TGFBR1: variants seen among roughly 807,000 people sequenced by gnomAD.
The protein encoded by TGFBR1 is TGF-beta receptor type-1.
Under a neutral mutation model 55.1 loss-of-function variants are expected in TGFBR1, and 20 were observed. The ratio of observed to expected loss-of-function variants is 0.36; its 90% CI spans 0.26 to 0.53. The LOEUF (loss-of-function observed/expected upper bound fraction) is 0.53, where lower values mean the gene tolerates loss of function less well. Among genes scored for constraint, TGFBR1 ranks in the 20% least tolerant of loss-of-function variants. TGFBR1 has a pLI of 0.91. For synonymous variants in TGFBR1, 220 were observed against 214.8 expected (o/e 1.02, Z -0.21); for missense variants, 385 against 617.6 (o/e 0.62, Z 3.99).
intron 4 of TGFBR1, 59 bp downstream of exon 4, chr9:99,138,148 A>G: frequency 2.7e-6 from 4 of 1,458,778 alleles, no homozygotes; most frequent in Non-Finnish European, 3.8e-6. Flanking sequence ...AAGTCTTTAC[A>G]GATATGGTGA....
At chr9:99,133,267 T>C (rs1012783463) in intron 3 of TGFBR1, among the ~76,000 whole-genome samples, 1 of 152,236 alleles carries the variant, frequency 6.6e-6, no homozygotes, top group African/African-American at 2.4e-5. Context: ...AATGAACTCT[T>C]ATGTCATTTT....
intron 1 of TGFBR1, among the ~76,000 whole-genome samples, chr9:99,117,250 G>C (rs1012198510): frequency 9.0e-6 from 1 of 111,090 alleles, no homozygotes; most frequent in African/African-American, 3.5e-5. Flanking sequence ...ACCACGCCTG[G>C]CTATTTTTTT....
rs768418563 is a variant in TGFBR1 at position 99,147,776 on chromosome 9, A to G, written c.1378A>G (p.Ser460Gly). ...GCCAAATATCCCAAACAGATGGCAG[A>G]GCTGTGAAGTGAGTATTTCTTTTTG... is the stretch of plus-strand genomic sequence containing the variant. ...LRPNIPNRWQSCEALRVMAKI... is the reference protein window; with the variant it reads ...LRPNIPNRWQGCEALRVMAKI... The change falls in exon 8 of 9, where the codon AGC (serine) becomes GGC (glycine). Residue 460 changes from serine (S) to glycine (G), a missense_variant. Around this residue, in one of 5 missense-constraint regions of TGFBR1, gnomAD observed 110 missense variants for 154.6 expected, o/e 0.71. Coordinates refer to ENST00000374994, the MANE Select transcript of TGFBR1 (RefSeq NM_004612.4). 1 of 1,613,834 alleles carries G rather than the reference A, an allele frequency of 6.2e-7. No homozygotes were observed. The highest frequency in any genetic ancestry group is 8.5e-7 in the Non-Finnish European group (1 of 1,179,804).
rs928205968 is a variant in TGFBR1, at chr9:99,153,785, A to G, written c.*4480A>G. The G allele has an allele frequency of 3.4e-5, 7 of 207,246 alleles. No individual in the cohort carries two copies. The highest frequency in any genetic ancestry group is 1.6e-4 in the African/African-American group (7 of 43,908). 12.8% of individuals were successfully genotyped at this position (207,246 alleles called of 1,614,324 possible). On this transcript the variant is annotated 3_prime_UTR_variant, in exon 9 of 9. Coordinates refer to ENST00000374994, the MANE Select transcript of TGFBR1 (RefSeq NM_004612.4). Reference sequence around the variant, plus strand: ...TTTCTAACCCTGCCTAGTGCAAGTTACAATATTATAGCGTGTTCGGGGAGT... The same window carrying G: ...TTTCTAACCCTGCCTAGTGCAAGTTGCAATATTATAGCGTGTTCGGGGAGT...
intron 1 of TGFBR1, among the ~76,000 whole-genome samples, chr9:99,117,613 T>C (rs1826785551): frequency 6.6e-6 from 1 of 152,214 alleles, no homozygotes; most frequent in African/African-American, 2.4e-5. Context: ...AAAACCTTTT[T>C]TCCCCCAGTG....
At chr9:99,124,528 G>A (rs1429810855) in intron 1 of TGFBR1, among the ~76,000 whole-genome samples, 3 of 151,990 alleles carry the variant, frequency 2.0e-5, no homozygotes, top group South Asian at 4.1e-4. Flanking sequence ...AAAGGTTGGG[G>A]GGGGCAGTAT....
intron 8 of TGFBR1, 26 bp from the exon 9 acceptor site, chr9:99,149,154 A>ATT (rs752215820): frequency 2.4e-6 from 3 of 1,252,304 alleles, no homozygotes; most frequent in Non-Finnish European, 3.3e-6. Flanking sequence ...GCATGCATTA[A>ATT]TTTTTTTTTT....
At position 99,129,212 on chromosome 9, in the gene TGFBR1, A is replaced by G. The variant is rs1248980597; in HGVS notation, c.343+112A>G. ...TTGTCTAATCCAGCTCATTCCGTTT[A>G]GAGGCAAGAAGTGACTTGTCCATTG... On this transcript the variant is annotated intron_variant, in intron 2 of 8. Coordinates refer to ENST00000374994, the MANE Select transcript of TGFBR1 (RefSeq NM_004612.4). The G allele has an allele frequency of 5.0e-6, 6 of 1,198,186 alleles. No homozygotes were observed. The Admixed American group carries it at 1.2e-4, about 24-fold the overall frequency. 74.2% of individuals were successfully genotyped at this position (1,198,186 alleles called of 1,614,324 possible).
At chr9:99,114,714 T>C (rs2118341489) in intron 1 of TGFBR1, among the ~76,000 whole-genome samples, 1 of 152,332 alleles carries the variant, frequency 6.6e-6, no homozygotes, top group South Asian at 2.1e-4. Context: ...GAGAGCAACA[T>C]GAAACTATTT....
intron 6 of TGFBR1, among the ~76,000 whole-genome samples, chr9:99,145,446 CTTATGCGTTATGTT>C (rs1361616543): frequency 6.6e-6 from 1 of 152,178 alleles, no homozygotes; most frequent in Non-Finnish European, 1.5e-5. Context: ...CGTTGAGGCA[CTTATGCGTTATGTT>C]GTAACTGTTT....
In TGFBR1 at chr9:99,129,035, G is replaced by A. The variant is rs1827129046; in HGVS notation, c.278G>A (p.Gly93Glu). The A allele has an allele frequency of 6.2e-7, 1 of 1,613,674 alleles. No homozygotes were observed. The highest frequency in any genetic ancestry group is 8.5e-7 in the Non-Finnish European group (1 of 1,179,906). Residue 93 changes from glycine (G) to glutamate (E), a missense_variant, in exon 2 of 9, where the codon GGG (glycine) becomes GAG (glutamate). This residue lies in a region of TGFBR1 where 146 missense variants were observed against 167.7 expected (regional missense o/e 0.87). Coordinates refer to ENST00000374994, the MANE Select transcript of TGFBR1 (RefSeq NM_004612.4). ...PFVCAPSSKT[G>E]SVTTTYCCNQ... is the part of the protein sequence containing the mutation. ...GTATGTGCACCCTCTTCAAAAACTG[G>A]GTCTGTGACTACAACATATTGCTGC... is the stretch of plus-strand genomic sequence containing the variant.
chr9:99,140,369 G>A (rs559708842), intron 4 of TGFBR1, among the ~76,000 whole-genome samples: 2 of 152,142 alleles, frequency 1.3e-5, no homozygotes, highest in Non-Finnish European at 2.9e-5. Flanking sequence ...GCAGAGAATT[G>A]CTTGAACCTG....
At chr9:99,111,489 C>A (rs1399766752) in intron 1 of TGFBR1, among the ~76,000 whole-genome samples, 1 of 151,632 alleles carries the variant, frequency 6.6e-6, no homozygotes, top group Non-Finnish European at 1.5e-5. Flanking sequence ...ATTAGCTGGA[C>A]GTAGTGGCAG....
upstream of TGFBR1, chr9:99,105,088 C>T: frequency 3.6e-6 from 3 of 827,640 alleles, no homozygotes; most frequent in Non-Finnish European, 4.5e-6. Context: ...CGAGCAGTTA[C>T]AAAGGGCCGG....
intron 1 of TGFBR1, among the ~76,000 whole-genome samples, chr9:99,124,736 A>G (rs1826987727): frequency 2.0e-5 from 3 of 152,154 alleles, no homozygotes; most frequent in Admixed American, 1.3e-4. Flanking sequence ...AATTCCCTGA[A>G]GAGAGAAATC....
chr9:99,112,378 CAGTG>C (rs1564129465), intron 1 of TGFBR1, among the ~76,000 whole-genome samples: 1 of 152,216 alleles, frequency 6.6e-6, no homozygotes, highest in Admixed American at 6.5e-5. Context: ...ACCTTTTTCT[CAGTG>C]AGGCTTATCC....
At chr9:99,147,375 AAATGTC>A (rs1827829277) in intron 7 of TGFBR1, among the ~76,000 whole-genome samples, 1 of 152,128 alleles carries the variant, frequency 6.6e-6, no homozygotes, top group African/African-American at 2.4e-5. Context: ...TTCTAGGGGA[AAATGTC>A]AATCTGGTCA....
rs1476671128 is a variant in TGFBR1, at chr9:99,151,123, CTA to C, written c.*1820_*1821del. On this transcript the variant is annotated 3_prime_UTR_variant, in exon 9 of 9. Transcript: ENST00000374994. ...TTATACGTAGAATAAATTTGAAAGA[CTA>C]TTTGATCTTAAAACCAAAGTAATTT... 4.4e-6 allele frequency: 1 copy of C among 228,308 alleles called. No individual in the cohort carries two copies. The highest frequency in any genetic ancestry group is 2.2e-5 in the African/African-American group (1 of 45,064). The allele number at this position is 228,308 out of a possible 1,614,324, so 14.1% of individuals were successfully genotyped here.
intron 4 of TGFBR1, among the ~76,000 whole-genome samples, chr9:99,141,605 C>T (rs1827617672): frequency 6.6e-6 from 1 of 152,138 alleles, no homozygotes; most frequent in Non-Finnish European, 1.5e-5. Context: ...ACAGGCAGGC[C>T]GTGGATTCCA....
Sources: gnomAD v4.1 joint callset for allele counts (sites outside exome capture counted in the v4.1 genomes callset) on GRCh38, gnomAD v4.1.1 for gene constraint, gnomAD v4.1.1 regional missense constraint, MANE v1.5 for transcripts, NCBI Gene and HGNC (gene_info 2026-07-23, HGNC 2026-07-21) for gene names.